SGCZ: variants seen among roughly 807,000 people sequenced by gnomAD.
The protein encoded by SGCZ is zeta-sarcoglycan.
SGCZ carries 40 observed loss-of-function variants against 41.3 expected under a neutral mutation model. The ratio of observed to expected loss-of-function variants is 0.97; its 90% CI spans 0.75 to 1.26. SGCZ has a LOEUF of 1.26. SGCZ is among the 50% of genes most tolerant of loss of function. SGCZ has a pLI of 0.00. For synonymous variants in SGCZ, 206 were observed against 137.5 expected (o/e 1.50, Z -3.49); for missense variants, 552 against 369.8 (o/e 1.49, Z -4.04).
chr8:14,654,706 G>C (rs1303366291), intron 1 of SGCZ, among the ~76,000 whole-genome samples: 1 of 151,770 alleles, frequency 6.6e-6, no homozygotes, highest in African/African-American at 2.4e-5. Flanking sequence ...CAAGTAGCTG[G>C]GATTATAGGC....
At chr8:14,796,689 C>T (rs1043952057) in intron 1 of SGCZ, among the ~76,000 whole-genome samples, 11 of 152,162 alleles carry the variant, frequency 7.2e-5, no homozygotes, top group Non-Finnish European at 1.0e-4. Context: ...ATCAACTCAA[C>T]TGGGCAGAGG....
intron 1 of SGCZ, among the ~76,000 whole-genome samples, chr8:14,919,933 T>C (rs1053475509): frequency 6.6e-6 from 1 of 152,132 alleles, no homozygotes; most frequent in Non-Finnish European, 1.5e-5. Flanking sequence ...TTTTGTTTTG[T>C]TTTGTTTTAA....
intron 4 of SGCZ, among the ~76,000 whole-genome samples, chr8:14,201,238 A>G (rs1020607759): frequency 1.3e-5 from 2 of 152,114 alleles, no homozygotes; most frequent in African/African-American, 4.8e-5. Context: ...ATAAACCTAC[A>G]CTTATCATAC....
At chr8:14,326,865 T>C (rs983063896) in intron 2 of SGCZ, among the ~76,000 whole-genome samples, 2 of 152,116 alleles carry the variant, frequency 1.3e-5, no homozygotes, top group African/African-American at 4.8e-5. Context: ...CTCTAATAAG[T>C]GTGGTTTTGC....
chr8:14,226,286 G>A (rs12678209), intron 4 of SGCZ, among the ~76,000 whole-genome samples: 96,177 of 151,940 alleles, frequency 0.63, 30,791 homozygotes, highest in South Asian at 0.77. Flanking sequence ...GTATACTTCT[G>A]TGAATCCTAA....
At chr8:14,642,396 A>G (rs1312577031) in intron 1 of SGCZ, among the ~76,000 whole-genome samples, 1 of 151,642 alleles carries the variant, frequency 6.6e-6, no homozygotes, top group Non-Finnish European at 1.5e-5. Context: ...ATATCTATAG[A>G]CAAATCTCTT....
At chr8:14,689,882 G>A (rs749963849) in intron 1 of SGCZ, among the ~76,000 whole-genome samples, 4 of 152,184 alleles carry the variant, frequency 2.6e-5, no homozygotes, top group Non-Finnish European at 4.4e-5. Context: ...AAAATGGGCG[G>A]AGACTGGTTG....
rs535270610 is a variant in SGCZ, at chr8:14,828,959, T to G, written c.40-274033A>C. Among the ~76,000 whole-genome samples, 180 of 152,038 alleles carry G rather than the reference T, an allele frequency of 1.2e-3. No homozygotes were observed. In the Middle Eastern group the frequency reaches 0.017, roughly 14 times the overall value. On this transcript the variant is annotated intron_variant, in intron 1 of 7. Transcript: ENST00000382080. ...GATATGGCTCCTTTGGAGTCCTTTT[T>G]TTTGTTTGTTTTCTAATCTTAAAAA...
intron 2 of SGCZ, among the ~76,000 whole-genome samples, chr8:14,446,182 A>T (rs11787351): frequency 0.17 from 25,521 of 152,092 alleles, 2,231 homozygotes; most frequent in African/African-American, 0.22. Flanking sequence ...AATCTTCAGC[A>T]AGCCCAGCTG....
Position 14,190,014 on chromosome 8 carries a change from C to CTTTCTT in SGCZ, c.425-25313_425-25312insAAGAAA, listed in dbSNP as rs757923069. ...GAATCTACTTTTTCTTTCTTTCTTT[C>CTTTCTT]TTTTTTTTTTTTTTTTGAGACGGAC... On this transcript the variant is annotated intron_variant, in intron 4 of 7. Coordinates refer to ENST00000382080, the MANE Select transcript of SGCZ (RefSeq NM_139167.4). Among the ~76,000 whole-genome samples, 213 of 100,190 alleles carry CTTTCTT rather than the reference C, an allele frequency of 2.1e-3. 3 individuals are homozygous for CTTTCTT. Among genetic ancestry groups the CTTTCTT allele is most frequent in the Admixed American group, 0.02 (151 of 7,420 alleles). 65.7% of individuals were successfully genotyped at this position (100,190 alleles called of 152,430 possible).
At chr8:14,100,036 C>A (rs1233063406) in intron 7 of SGCZ, among the ~76,000 whole-genome samples, 1 of 152,006 alleles carries the variant, frequency 6.6e-6, no homozygotes, top group Non-Finnish European at 1.5e-5. Flanking sequence ...GACTTTATAT[C>A]CCTCTATATT....
At chr8:14,647,855 A>G (rs1203987648) in intron 1 of SGCZ, among the ~76,000 whole-genome samples, 3 of 152,054 alleles carry the variant, frequency 2.0e-5, no homozygotes, top group African/African-American at 4.8e-5. Flanking sequence ...AGTTGAAGTT[A>G]TTGACAGCCT....
intron 1 of SGCZ, among the ~76,000 whole-genome samples, chr8:14,623,533 G>C (rs1415613512): frequency 6.6e-6 from 1 of 152,094 alleles, no homozygotes; most frequent in African/African-American, 2.4e-5. Flanking sequence ...ATTACTTCAT[G>C]TGTTTGTAGG....
chr8:14,900,574 C>T (rs557445339), intron 1 of SGCZ, among the ~76,000 whole-genome samples: 1 of 152,240 alleles, frequency 6.6e-6, no homozygotes, highest in East Asian at 1.9e-4. Flanking sequence ...TTCTACTTAC[C>T]AGCCCATATG....
At chr8:14,376,774 C>T (rs148033192) in intron 2 of SGCZ, among the ~76,000 whole-genome samples, 1 of 152,078 alleles carries the variant, frequency 6.6e-6, no homozygotes, top group Admixed American at 6.5e-5. Flanking sequence ...TGTCAAATGT[C>T]CTAGATAAAA....
chr8:14,109,503 C>T (rs1184882070), intron 5 of SGCZ, among the ~76,000 whole-genome samples: 1 of 152,134 alleles, frequency 6.6e-6, no homozygotes, highest in Non-Finnish European at 1.5e-5. Flanking sequence ...TTAAGAACCT[C>T]ATACCTGTTC....
In SGCZ at chr8:14,948,652, C is replaced by G. The variant is rs78919416; in HGVS notation, c.39+288933G>C. 0.02 allele frequency among the ~76,000 whole-genome samples: 3,007 copies of G among 152,218 alleles called. 139 individuals are homozygous for G. In the East Asian group the frequency reaches 0.21, roughly 10 times the overall value. On this transcript the variant is annotated intron_variant, in intron 1 of 7. Coordinates refer to ENST00000382080, the MANE Select transcript of SGCZ (RefSeq NM_139167.4). ...AATAAAAGTGCTCCTGCCAAGGTCA[C>G]TAACTACCTCCTATTTTGCAAACTC... is the stretch of plus-strand genomic sequence containing the variant.
chr8:14,566,709 G>T (rs956031828), intron 1 of SGCZ, among the ~76,000 whole-genome samples: 1 of 152,220 alleles, frequency 6.6e-6, no homozygotes, highest in African/African-American at 2.4e-5. Context: ...CGGCCTTGGC[G>T]CCCACTCTGG....
chr8:14,156,215 A>T (rs1430666168), intron 5 of SGCZ, among the ~76,000 whole-genome samples: 2 of 152,142 alleles, frequency 1.3e-5, no homozygotes, highest in East Asian at 3.9e-4. Context: ...GATGCCTGTA[A>T]TCCTGGCACT....
Sources: allele counts gnomAD v4.1 joint callset (sites outside exome capture counted in the v4.1 genomes callset), GRCh38; gene constraint gnomAD v4.1.1; transcripts MANE v1.5; gene names NCBI Gene and HGNC (gene_info 2026-07-23, HGNC 2026-07-21).